The following LYRM4 variants were observed in gnomAD, a reference collection of about 807,000 sequenced individuals.
LYRM4 encodes the protein LYR motif-containing protein 4.
A neutral mutation model predicts 11.7 loss-of-function variants in LYRM4; 9 were observed. That is an observed-to-expected ratio of 0.77 (90% confidence interval 0.46 to 1.34). The LOEUF (loss-of-function observed/expected upper bound fraction) is 1.34, where lower values mean the gene tolerates loss of function less well. Among genes scored for constraint, LYRM4 ranks in the 40% most tolerant of loss-of-function variants. LYRM4 has a pLI of 0.00. For synonymous variants in LYRM4, 42 were observed against 40.4 expected, an observed-to-expected ratio of 1.04 and a Z score of -0.15; for missense variants, 133 against 112.5, an observed-to-expected ratio of 1.18 and a Z score of -0.82.
At chr6:5,187,207 ATCT>A (rs572093263) in intron 2 of LYRM4, among the ~76,000 whole-genome samples, 3 of 152,224 alleles carry the variant, frequency 2.0e-5, no homozygotes, top group African/African-American at 7.2e-5. Context: ...AAAATATGTG[ATCT>A]TCTCAGGGCT....
chr6:5,154,894 C>T (rs902331577), intron 2 of LYRM4, among the ~76,000 whole-genome samples: 1 of 152,192 alleles, frequency 6.6e-6, no homozygotes, highest in African/African-American at 2.4e-5. Context: ...CCAAATTACA[C>T]AGTGTCAGAG....
intron 2 of LYRM4, among the ~76,000 whole-genome samples, chr6:5,116,768 C>T (rs564286152): frequency 6.6e-6 from 1 of 152,318 alleles, no homozygotes; most frequent in East Asian, 1.9e-4. Flanking sequence ...CTGCCAGTAG[C>T]TGGGGATGAC....
At chr6:5,082,136 T>C in the LYRM4 span, among the ~76,000 whole-genome samples, 2 of 152,122 alleles carry the variant, frequency 1.3e-5, no homozygotes, top group Non-Finnish European at 2.9e-5. Flanking sequence ...TGGGGATGGG[T>C]TGTGGGAACA....
At chr6:5,138,112 A>AG (rs1008131039) in intron 2 of LYRM4, among the ~76,000 whole-genome samples, 1 of 152,194 alleles carries the variant, frequency 6.6e-6, no homozygotes, top group African/African-American at 2.4e-5. Context: ...ATGGTAGACA[A>AG]GGGGCACTGA....
chr6:5,173,739 G>A (rs553389662), intron 2 of LYRM4, among the ~76,000 whole-genome samples: 15 of 152,224 alleles, frequency 9.9e-5, no homozygotes, highest in Admixed American at 3.3e-4. Context: ...CTGAGTGTAC[G>A]GCTCATGTTT....
the LYRM4 span, among the ~76,000 whole-genome samples, chr6:5,052,059 T>C: frequency 2.4e-3 from 365 of 152,270 alleles, 1 homozygote; most frequent in African/African-American, 8.5e-3. Flanking sequence ...ACACCAGGGA[T>C]TGAATTTCAA....
intron 2 of LYRM4, among the ~76,000 whole-genome samples, chr6:5,185,029 T>C (rs184788555): frequency 2.4e-4 from 37 of 152,276 alleles, no homozygotes; most frequent in African/African-American, 6.5e-4. Flanking sequence ...CTGCTTGTCA[T>C]TGACGCACTG....
rs113586099 is a variant in LYRM4, at chr6:5,240,019, T to C, written c.86+20629A>G. Among the ~76,000 whole-genome samples the C allele has an allele frequency of 4.3e-3, 654 of 152,310 alleles. 3 individuals carry two copies. Among genetic ancestry groups the C allele is most frequent in the Non-Finnish European group, 7.7e-3 (524 of 68,020 alleles). On this transcript the variant is annotated intron_variant, in intron 1 of 2. Transcript: ENST00000330636. ...CCAATCAGGTGGAACCCAGGGCCTG[T>C]GGTCTAGGATCTTTCCTTCCATTAA... is the stretch of plus-strand genomic sequence containing the variant.
chr6:5,198,541 T>C (rs2127701427), intron 2 of LYRM4, among the ~76,000 whole-genome samples: 1 of 152,300 alleles, frequency 6.6e-6, no homozygotes, highest in Non-Finnish European at 1.5e-5. Flanking sequence ...TCTCTTCCAC[T>C]GCAGCTCAGG....
At chr6:5,104,361 G>A (rs1461133729), downstream of LYRM4, 1 of 151,770 alleles carries the variant, frequency 6.6e-6, no homozygotes, top group Non-Finnish European at 1.5e-5. Context: ...TGCAACCTCC[G>A]CCTTCCAGGC....
intron 1 of LYRM4, among the ~76,000 whole-genome samples, chr6:5,258,915 T>C (rs1764805172): frequency 6.6e-6 from 1 of 152,236 alleles, no homozygotes; most frequent in Admixed American, 6.5e-5. Context: ...TCGTGAATGA[T>C]TTTCCTGTTC....
chr6:5,246,390 G>T (rs2753228), intron 1 of LYRM4, among the ~76,000 whole-genome samples: 43,401 of 151,828 alleles, frequency 0.29, 7,771 homozygotes, highest in African/African-American at 0.51. Context: ...GCAGGTTCTG[G>T]AGTCAAAGAT....
chr6:5,053,701 T>C, the LYRM4 span, among the ~76,000 whole-genome samples: 11 of 152,010 alleles, frequency 7.2e-5, no homozygotes, highest in African/African-American at 2.4e-4. Context: ...TAGGAAATTA[T>C]TTCTAGTATT....
the LYRM4 span, among the ~76,000 whole-genome samples, chr6:5,081,134 C>G: frequency 3.4e-4 from 43 of 126,138 alleles, no homozygotes; most frequent in Middle Eastern, 4.2e-3. Context: ...CACACTTGGG[C>G]GGGGGGGGGG....
In LYRM4 at chr6:5,235,846, A is replaced by G. The variant is rs544719406; in HGVS notation, c.87-19108T>C. On this transcript the variant is annotated intron_variant, in intron 1 of 2. Coordinates refer to ENST00000330636, the MANE Select transcript of LYRM4 (RefSeq NM_020408.6). ...GGTTTCATCAGAAGAAAATGTGTTT[A>G]CTGACTGCCACTGGAAAAAGTGTGA... 3.3e-5 allele frequency among the ~76,000 whole-genome samples: 5 copies of G among 152,356 alleles called. No homozygotes were observed. The South Asian group carries it at 1.0e-3, about 32-fold the overall frequency.
rs888395082 is a variant in LYRM4, at chr6:5,237,338, C to T, written c.87-20600G>A. Among the ~76,000 whole-genome samples, 7 of 152,004 alleles carry T rather than the reference C, an allele frequency of 4.6e-5. No homozygotes were observed. The South Asian group carries it at 1.0e-3, about 23-fold the overall frequency. Reference sequence around the variant, plus strand: ...GCATGCGAAGGATCTAGGTTGTGCACTCCCTATGAGAATCTAACGCCTGAA... The same window carrying T: ...GCATGCGAAGGATCTAGGTTGTGCATTCCCTATGAGAATCTAACGCCTGAA... On this transcript the variant is annotated intron_variant, in intron 1 of 2. Transcript: ENST00000330636.
At chr6:5,221,404 G>A (rs1292887381) in intron 1 of LYRM4, among the ~76,000 whole-genome samples, 3 of 152,132 alleles carry the variant, frequency 2.0e-5, no homozygotes, top group Non-Finnish European at 2.9e-5. Context: ...ATTCAAAACC[G>A]AAGTGCCTGG....
intron 2 of LYRM4, among the ~76,000 whole-genome samples, chr6:5,207,180 G>A (rs753335881): frequency 1.3e-5 from 2 of 152,128 alleles, no homozygotes; most frequent in East Asian, 1.9e-4. Context: ...AAGCCACGCC[G>A]TTTTTTAGAC....
chr6:5,252,041 T>C (rs1764454321), intron 1 of LYRM4, among the ~76,000 whole-genome samples: 1 of 152,216 alleles, frequency 6.6e-6, no homozygotes, highest in African/African-American at 2.4e-5. Context: ...TTCATTCAGT[T>C]GTGTAGTACA....
Sources: allele counts gnomAD v4.1 joint callset (sites outside exome capture counted in the v4.1 genomes callset), GRCh38; gene constraint gnomAD v4.1.1; transcripts MANE v1.5; gene names NCBI Gene and HGNC (gene_info 2026-07-23, HGNC 2026-07-21).